Variants in VAT1L observed in about 807,000 individuals in gnomAD.
VAT1L encodes the protein putative NADPH-dependent quinone oxidoreductase VAT1L.
A neutral mutation model predicts 44.1 loss-of-function variants in VAT1L; 34 were observed. That is an observed-to-expected ratio of 0.77 (90% CI 0.59 to 1.03). The LOEUF is 1.03. Among genes scored for constraint, VAT1L ranks in the 50% least tolerant of loss-of-function variants. The pLI is 0.00. For synonymous variants in VAT1L, 253 were observed against 202.2 expected (o/e 1.25, Z -2.13); for missense variants, 615 against 538.8 (o/e 1.14, Z -1.40).
intron 3 of VAT1L, among the ~76,000 whole-genome samples, chr16:77,858,721 C>T (rs781471139): frequency 9.9e-5 from 15 of 152,044 alleles, no homozygotes; most frequent in Non-Finnish European, 1.8e-4. Context: ...AATAAGGTGA[C>T]GCTGGGCACA....
intron 7 of VAT1L, among the ~76,000 whole-genome samples, chr16:77,963,700 C>G (rs1400911806): frequency 6.6e-6 from 1 of 151,516 alleles, no homozygotes; most frequent in Non-Finnish European, 1.5e-5. Context: ...AATGCAGGAG[C>G]CTGGATCCCT....
At chr16:77,928,472 ACACTAT>A (rs1043067769) in intron 7 of VAT1L, among the ~76,000 whole-genome samples, 14 of 152,156 alleles carry the variant, frequency 9.2e-5, no homozygotes, top group African/African-American at 3.4e-4. Flanking sequence ...ATTTTTCATA[ACACTAT>A]CCTGTGAGAG....
intron 7 of VAT1L, among the ~76,000 whole-genome samples, chr16:77,938,669 C>T (rs1185522515): frequency 6.6e-6 from 1 of 152,104 alleles, no homozygotes; most frequent in Non-Finnish European, 1.5e-5. Flanking sequence ...CCTGAGGCCT[C>T]CCCGGAAGCC....
chr16:77,882,459 G>A (rs1471943008), intron 6 of VAT1L: 1 of 152,200 alleles, frequency 6.6e-6, no homozygotes, highest in Non-Finnish European at 1.5e-5. Flanking sequence ...TAATAAAAGT[G>A]GTGTATGTTT....
intron 1 of VAT1L, among the ~76,000 whole-genome samples, chr16:77,805,865 C>CTTTCTTTTTTTTTTTTT (rs2016147307): frequency 1.3e-5 from 1 of 78,838 alleles, no homozygotes; most frequent in Non-Finnish European, 2.8e-5. Flanking sequence ...TAGTCTCTGC[C>CTTTCTTTTTTTTTTTTT]TTTTTTTTTT....
intron 2 of VAT1L, among the ~76,000 whole-genome samples, chr16:77,822,082 C>T (rs2016461791): frequency 6.6e-6 from 1 of 152,158 alleles, no homozygotes; most frequent in African/African-American, 2.4e-5. Context: ...CTCACATTGT[C>T]TGAGCTCCCA....
At chr16:77,937,391 C>A (rs773805555) in intron 7 of VAT1L, among the ~76,000 whole-genome samples, 2 of 152,154 alleles carry the variant, frequency 1.3e-5, no homozygotes, top group Non-Finnish European at 1.5e-5. Flanking sequence ...AGCCTGTGCT[C>A]CCAACACCCA....
At chr16:77,897,202 G>T (rs937557093) in intron 7 of VAT1L, among the ~76,000 whole-genome samples, 1 of 152,152 alleles carries the variant, frequency 6.6e-6, no homozygotes, top group Non-Finnish European at 1.5e-5. Flanking sequence ...TCACATCCTG[G>T]CAGATAAACA....
chr16:77,908,802 T>A (rs888246095), intron 7 of VAT1L, among the ~76,000 whole-genome samples: 2 of 151,982 alleles, frequency 1.3e-5, no homozygotes, highest in African/African-American at 4.8e-5. Context: ...CAGTCCCAGC[T>A]ACTTGGGAGG....
At chr16:77,864,463 G>A (rs192419787) in intron 4 of VAT1L, among the ~76,000 whole-genome samples, 31 of 152,222 alleles carry the variant, frequency 2.0e-4, no homozygotes, top group African/African-American at 7.5e-4. Context: ...AAACGTAGAT[G>A]AGCATGGTGA....
rs1278977944 is a variant in VAT1L at position 77,964,162 on chromosome 16, C to CT, written c.1078-7685dup. Among the ~76,000 whole-genome samples, 29 of 152,164 alleles carry CT rather than the reference C, an allele frequency of 1.9e-4. 1 individual carries two copies. The highest frequency in any genetic ancestry group is 1.9e-3 in the Admixed American group (29 of 15,266). On this transcript the variant is annotated intron_variant, in intron 7 of 8. Coordinates refer to ENST00000302536, the MANE Select transcript of VAT1L (RefSeq NM_020927.3). ...CTCCCTGAATCCCTATTGCTCAGCT[C>CT]TTTCTGTGGCTCACTCCTTCCTGCT... is the stretch of plus-strand genomic sequence containing the variant.
chr16:77,962,055 A>G (rs1039538743), intron 7 of VAT1L, among the ~76,000 whole-genome samples: 2 of 151,926 alleles, frequency 1.3e-5, no homozygotes, highest in Non-Finnish European at 2.9e-5. Context: ...CTCAGTCTCT[A>G]TGTCATACCC....
chr16:77,934,547 T>C lies in VAT1L; in HGVS notation c.1078-37303T>C, dbSNP rs138708244. 3.1e-3 allele frequency among the ~76,000 whole-genome samples: 472 copies of C among 152,196 alleles called. 3 individuals carry two copies. Among genetic ancestry groups the C allele is most frequent in the Middle Eastern group, 0.014 (4 of 294 alleles). On this transcript the variant is annotated intron_variant, in intron 7 of 8. Coordinates refer to ENST00000302536, the MANE Select transcript of VAT1L (RefSeq NM_020927.3). ...TTGATTTTAGGCCAATGAAAACCAT[T>C]TTGGATTTCTGACCTCTAGAACTAT... is the stretch of plus-strand genomic sequence containing the variant.
At chr16:77,869,655 C>A (rs2017010120) in intron 4 of VAT1L, among the ~76,000 whole-genome samples, 1 of 152,068 alleles carries the variant, frequency 6.6e-6, no homozygotes, top group South Asian at 2.1e-4. Flanking sequence ...GGCAACAGAA[C>A]AAGACCCAGT....
At chr16:77,888,691 C>T (rs2142464902) in intron 7 of VAT1L, among the ~76,000 whole-genome samples, 1 of 152,330 alleles carries the variant, frequency 6.6e-6, no homozygotes, top group South Asian at 2.1e-4. Flanking sequence ...GCCTCTACTC[C>T]CGTACCGCCA....
chr16:77,970,523 G>C (rs944668720), intron 7 of VAT1L, among the ~76,000 whole-genome samples: 3 of 152,110 alleles, frequency 2.0e-5, no homozygotes, highest in African/African-American at 7.2e-5. Context: ...TTTGTAATTA[G>C]CTGTATATAT....
intron 1 of VAT1L, among the ~76,000 whole-genome samples, chr16:77,816,393 A>G (rs2016355403): frequency 6.6e-6 from 1 of 152,152 alleles, no homozygotes; most frequent in Non-Finnish European, 1.5e-5. Context: ...CTGTTTATGC[A>G]TAGTGCTGAT....
chr16:77,885,728 A>T (rs1250949645), intron 7 of VAT1L, among the ~76,000 whole-genome samples: 3 of 152,064 alleles, frequency 2.0e-5, no homozygotes, highest in Admixed American at 6.6e-5. Flanking sequence ...AATACTTTTT[A>T]AAAAAATAAC....
At chr16:77,942,020 T>C (rs940072217) in intron 7 of VAT1L, among the ~76,000 whole-genome samples, 1 of 152,258 alleles carries the variant, frequency 6.6e-6, no homozygotes, top group Non-Finnish European at 1.5e-5. Context: ...CTGACTGGTT[T>C]GAGATGATAT....
Sources: gnomAD v4.1 joint callset for allele counts (sites outside exome capture counted in the v4.1 genomes callset) on GRCh38, gnomAD v4.1.1 for gene constraint, MANE v1.5 for transcripts, NCBI Gene and HGNC (gene_info 2026-07-23, HGNC 2026-07-21) for gene names.